The following ZBTB5 variants were observed in gnomAD, a reference collection of about 807,000 sequenced individuals.
ZBTB5 encodes zinc finger and BTB domain-containing protein 5.
In ZBTB5, 15 loss-of-function variants were observed where a neutral mutation model predicts 37.9. That is an observed-to-expected ratio of 0.40 (90% CI 0.26 to 0.61). The LOEUF is 0.61. Ranked by LOEUF, ZBTB5 falls within the 20% of genes least tolerant of loss-of-function variation. ZBTB5 has a pLI of 0.47. For missense variants in ZBTB5, 708 were observed against 856.8 expected (o/e 0.83, Z 2.17); for synonymous variants, 315 against 312.4 (o/e 1.01, Z -0.09).
chr9:37,456,375 T>A (rs1824188490), intron 1 of ZBTB5, among the ~76,000 whole-genome samples: 1 of 152,172 alleles, frequency 6.6e-6, no homozygotes, highest in Non-Finnish European at 1.5e-5. Flanking sequence ...GTGGGCACAA[T>A]GATGCCTGGG....
intron 1 of ZBTB5, among the ~76,000 whole-genome samples, chr9:37,463,996 A>G (rs1824341813): frequency 6.6e-6 from 1 of 152,220 alleles, no homozygotes; most frequent in African/African-American, 2.4e-5. Context: ...CATAAGGGTT[A>G]AAAGGAAGAG....
chr9:37,448,331 C>T lies in ZBTB5; in HGVS notation c.-4-5776G>A, dbSNP rs553197479. Among the ~76,000 whole-genome samples, 28 of 152,284 alleles carry T rather than the reference C, an allele frequency of 1.8e-4. No individual in the cohort carries two copies. The East Asian group carries it at 5.0e-3, about 27-fold the overall frequency. On this transcript the variant is annotated intron_variant, in intron 1 of 1. Transcript: ENST00000307750. ...AGACCATCTTCAGGCAATACAGAGGCTAATGTCTGCATCATAACTATGATT... is the reference window on the plus strand; with the variant it reads ...AGACCATCTTCAGGCAATACAGAGGTTAATGTCTGCATCATAACTATGATT...
intron 1 of ZBTB5, among the ~76,000 whole-genome samples, chr9:37,463,677 C>G (rs1824335541): frequency 6.6e-6 from 1 of 152,212 alleles, no homozygotes; most frequent in Admixed American, 6.5e-5. Flanking sequence ...GCGTTCGCTC[C>G]TAAGTCTGTA....
chr9:37,441,322 C>G lies in ZBTB5; in HGVS notation c.1230G>C (p.Ser410=), dbSNP rs138751675. Residue 410 remains serine, a synonymous_variant, in exon 2 of 2, where the codon TCG becomes TCC. Transcript: ENST00000307750. The stretch of plus-strand genomic sequence containing the variant: ...TTCCTCTGCTCTTGTTAAGAAAATT[C>G]GAAATACTAAAAGTGGACTTATGCT... ...NLEHKSTFSI[S]NFLNKSRGNN... is the part of the protein sequence containing the mutation. The G allele has an allele frequency of 4.2e-4, 671 of 1,614,068 alleles. 5 individuals are homozygous for G. The African/African-American group carries it at 8.0e-3, about 19-fold the overall frequency.
At chr9:37,462,333 AG>A (rs568105280) in intron 1 of ZBTB5, among the ~76,000 whole-genome samples, 189 of 152,278 alleles carry the variant, frequency 1.2e-3, no homozygotes, top group African/African-American at 4.2e-3. Flanking sequence ...CTAGGCAGAC[AG>A]GGGCACATCC....
rs1171398602 is a variant in ZBTB5, at chr9:37,440,785, T to C, written c.1767A>G (p.Ala589=). 1 of 1,614,222 alleles carries C rather than the reference T, an allele frequency of 6.2e-7. No individual in the cohort carries two copies. The highest frequency in any genetic ancestry group is 1.1e-5 in the South Asian group (1 of 91,088). The part of the protein sequence containing the change: ...PGPPQLTRAS[A]DVLSKCKKAL... ...CCTTCTTGCACTTTGACAGAACATC[T>C]GCAGATGCCCTGGTCAACTGTGGAG... Residue 589 remains alanine, a synonymous_variant, in exon 2 of 2, where the codon GCA becomes GCG. Coordinates refer to ENST00000307750, the MANE Select transcript of ZBTB5 (RefSeq NM_014872.3).
In ZBTB5 at chr9:37,442,224, A is replaced by G; in HGVS notation, c.328T>C (p.Ser110Pro). The G allele has an allele frequency of 6.2e-7, 1 of 1,614,212 alleles. No individual in the cohort carries two copies. The highest frequency in any genetic ancestry group is 8.5e-7 in the Non-Finnish European group (1 of 1,180,040). Residue 110 changes from serine (S) to proline (P), a missense_variant, in exon 2 of 2, where the codon TCT becomes CCT. Around this residue, in one of 3 missense-constraint regions of ZBTB5, gnomAD observed 639 missense variants for 690.5 expected, o/e 0.93. Coordinates refer to ENST00000307750, the MANE Select transcript of ZBTB5 (RefSeq NM_014872.3). Reference protein sequence around the residue: ...LLAASHLHLNSVVKACKHYLT... With the variant: ...LLAASHLHLNPVVKACKHYLT... ...TAATGTTTACATGCCTTAACAACAG[A>G]GTTCAAATGCAGGTGAGAGGCTGCC...
chr9:37,464,967 A>AGGTG (rs1002242602), intron 1 of ZBTB5, among the ~76,000 whole-genome samples: 7 of 152,178 alleles, frequency 4.6e-5, no homozygotes, highest in Admixed American at 3.9e-4. Context: ...GATCCACAGG[A>AGGTG]GTACCAGCCC....
intron 1 of ZBTB5, among the ~76,000 whole-genome samples, chr9:37,461,978 A>G (rs1257393893): frequency 4.6e-5 from 7 of 152,182 alleles, no homozygotes; most frequent in Non-Finnish European, 7.3e-5. Context: ...ATTGGTTACA[A>G]TTACAAGGAA....
intron 1 of ZBTB5, among the ~76,000 whole-genome samples, chr9:37,445,553 AG>A (rs1240491201): frequency 6.6e-6 from 1 of 151,622 alleles, no homozygotes; most frequent in Non-Finnish European, 1.5e-5. Context: ...TGGGAGGCTG[AG>A]GGGGATCACT....
Position 37,440,822 on chromosome 9 carries a change from G to A in ZBTB5, c.1730C>T (p.Ser577Phe). Reference protein sequence around the residue: ...ATSSFENGHPSQPGPPQLTRA... With the variant: ...ATSSFENGHPFQPGPPQLTRA... ...GGTCAACTGTGGAGGGCCAGGCTGG[G>A]AAGGATGGCCATTTTCAAATGAGGA... The change falls in exon 2 of 2, where the codon TCC becomes TTC. Residue 577 changes from serine to phenylalanine, a missense_variant. By Grantham distance (155) the Ser-to-Phe change is radical. Coordinates refer to ENST00000307750, the MANE Select transcript of ZBTB5 (RefSeq NM_014872.3). 1 of 1,614,232 alleles carries A rather than the reference G, an allele frequency of 6.2e-7. No homozygotes were observed. Among genetic ancestry groups the A allele is most frequent in the South Asian group, 1.1e-5 (1 of 91,086 alleles).
intron 1 of ZBTB5, among the ~76,000 whole-genome samples, chr9:37,463,416 T>A (rs1824329689): frequency 6.6e-6 from 1 of 151,334 alleles, no homozygotes; most frequent in Non-Finnish European, 1.5e-5. Flanking sequence ...TAATTTACAT[T>A]AAAAAAAAAG....
rs1428977727 is a variant in ZBTB5 at position 37,465,351 on chromosome 9, C to T, written c.-141G>A. On this transcript the variant is annotated 5_prime_UTR_variant, in exon 1 of 2. Transcript: ENST00000307750. ...CGGGACTTCCTCCCCCTTCCACCCG[C>T]CCCCCTCCCACCCCGCCTCTAGTCC... 2.0e-5 allele frequency: 3 copies of T among 150,758 alleles called. No homozygotes were observed. The highest frequency in any genetic ancestry group is 4.4e-5 in the Non-Finnish European group (3 of 67,578). 9.3% of individuals were successfully genotyped at this position (150,758 alleles called of 1,614,324 possible).
intron 1 of ZBTB5, among the ~76,000 whole-genome samples, chr9:37,449,453 T>G (rs1201739059): frequency 1.3e-5 from 2 of 152,048 alleles, no homozygotes; most frequent in Non-Finnish European, 2.9e-5. Flanking sequence ...ATCTCAGCAC[T>G]TTTGGAGGTC....
In ZBTB5 at chr9:37,440,674, TGTCA is replaced by T; in HGVS notation, c.1874_1877del (p.Leu625Ter). 6.2e-7 allele frequency: 1 copy of T among 1,614,280 alleles called. No homozygotes were observed. The highest frequency in any genetic ancestry group is 8.5e-7 in the Non-Finnish European group (1 of 1,180,054). On this transcript the variant is annotated frameshift_variant, in exon 2 of 2. Coordinates refer to ENST00000307750, the MANE Select transcript of ZBTB5 (RefSeq NM_014872.3). LOFTEE classifies it high-confidence loss of function. ...GAACACGGATGTGCTTCTTGCAATC[TGTCA>T]AAGTCAGAAAAGTTTTGCAGCAGAT...
Position 37,442,398 on chromosome 9 carries a change from G to A in ZBTB5, c.154C>T (p.Leu52=). ...LAACSTHFRA[L]FSVAEGDQTM... ...TGATCTCCTTCTGCCACTGAGAACA[G>A]GGCTCGGAAATGCGTGCTGCATGCT... is the stretch of plus-strand genomic sequence containing the variant. The change falls in exon 2 of 2, where the codon CTG becomes TTG. Residue 52 remains leucine, a synonymous_variant. Transcript: ENST00000307750. 1 of 1,614,140 alleles carries A rather than the reference G, an allele frequency of 6.2e-7. No individual in the cohort carries two copies. The highest frequency in any genetic ancestry group is 8.5e-7 in the Non-Finnish European group (1 of 1,180,026).
intron 1 of ZBTB5, among the ~76,000 whole-genome samples, chr9:37,462,155 A>G (rs1229236400): frequency 6.6e-6 from 1 of 152,144 alleles, no homozygotes; most frequent in Non-Finnish European, 1.5e-5. Context: ...ACCAAATTTC[A>G]TTAAATCTAA....
rs781686327 is a variant in ZBTB5 at position 37,440,778 on chromosome 9, G to C, written c.1774C>G (p.Leu592Val). The change falls in exon 2 of 2, where the codon CTG becomes GTG. Residue 592 changes from leucine (L) to valine (V), a missense_variant. Leu to Val is a conservative substitution (Grantham distance 32). Coordinates refer to ENST00000307750, the MANE Select transcript of ZBTB5 (RefSeq NM_014872.3). The stretch of plus-strand genomic sequence containing the variant: ...GATAAGGCCTTCTTGCACTTTGACA[G>C]AACATCTGCAGATGCCCTGGTCAAC... ...PQLTRASADVLSKCKKALSEH... is the reference protein window; with the variant it reads ...PQLTRASADVVSKCKKALSEH... 3 of 1,614,220 alleles carry C rather than the reference G, an allele frequency of 1.9e-6. No individual in the cohort carries two copies. Among genetic ancestry groups the C allele is most frequent in the African/African-American group, 1.3e-5 (1 of 75,056 alleles).
intron 1 of ZBTB5, 47 bp downstream of exon 1, chr9:37,465,168 C>G (rs1017784739): frequency 1.3e-5 from 2 of 152,348 alleles, no homozygotes; most frequent in Admixed American, 1.3e-4. Context: ...ACCTTCCCCA[C>G]GTGAGCGCGC....
Sources: gnomAD v4.1 joint callset for allele counts (sites outside exome capture counted in the v4.1 genomes callset) on GRCh38, gnomAD v4.1.1 for gene constraint, gnomAD v4.1.1 regional missense constraint, MANE v1.5 for transcripts, NCBI Gene and HGNC (gene_info 2026-07-23, HGNC 2026-07-21) for gene names.